The following ZEB1 variants were observed in gnomAD, a reference collection of about 807,000 sequenced individuals.
The protein encoded by ZEB1 is zinc finger E-box binding homeobox 1, also known as zinc finger E-box-binding homeobox 1.
Under a neutral mutation model 84.9 loss-of-function variants are expected in ZEB1, and 21 were observed. The ratio of observed to expected loss-of-function variants is 0.25; its 90% CI spans 0.18 to 0.36. The LOEUF (loss-of-function observed/expected upper bound fraction) is 0.36. ZEB1 is among the 10% of genes least tolerant of loss of function. ZEB1 has a pLI of 1.00. For missense variants in ZEB1, 1,104 were observed against 1,330.2 expected, an observed-to-expected ratio of 0.83 and a Z score of 2.65; for synonymous variants, 420 against 471.1, an observed-to-expected ratio of 0.89 and a Z score of 1.41.
chr10:31,395,061 C>T (rs903845990), intron 1 of ZEB1, among the ~76,000 whole-genome samples: 1 of 152,236 alleles, frequency 6.6e-6, no homozygotes. Context: ...TTTAGTGATA[C>T]AGGGGATTAA....
At chr10:31,430,378 T>C (rs2057571277) in intron 1 of ZEB1, among the ~76,000 whole-genome samples, 1 of 152,148 alleles carries the variant, frequency 6.6e-6, no homozygotes, top group Non-Finnish European at 1.5e-5. Flanking sequence ...TAGTTATTAT[T>C]CTCCCATTAT....
intron 5 of ZEB1, among the ~76,000 whole-genome samples, 170 bp downstream of exon 5, chr10:31,511,045 T>C (rs2069891528): frequency 6.6e-6 from 1 of 152,246 alleles, no homozygotes; most frequent in Non-Finnish European, 1.5e-5. Context: ...ATCTGGTCAT[T>C]CCTGAGATTA....
chr10:31,387,161 AGGTCCCT>A, intron 1 of ZEB1: 1 of 985,836 alleles, frequency 1.0e-6, no homozygotes, highest in Non-Finnish European at 1.2e-6. Context: ...GAATATAAAG[AGGTCCCT>A]CCTGCACCAA....
chr10:31,371,680 T>C (rs1393848874), intron 1 of ZEB1, among the ~76,000 whole-genome samples: 2 of 152,192 alleles, frequency 1.3e-5, no homozygotes, highest in Non-Finnish European at 2.9e-5. Context: ...GGTTATAAGC[T>C]CCTTTCCTTT....
At chr10:31,487,732 T>C (rs2065928157) in intron 2 of ZEB1, among the ~76,000 whole-genome samples, 1 of 151,528 alleles carries the variant, frequency 6.6e-6, no homozygotes, top group African/African-American at 2.4e-5. Context: ...GTCTTTCTCC[T>C]TTAAGTGTAA....
intron 1 of ZEB1, among the ~76,000 whole-genome samples, chr10:31,326,536 T>C (rs1437337485): frequency 6.6e-6 from 1 of 152,166 alleles, no homozygotes; most frequent in African/African-American, 2.4e-5. Context: ...TTTGGGAGAA[T>C]CATCCAAAGC....
At chr10:31,387,065 A>G (rs1564676987) in intron 1 of ZEB1, 1 of 981,248 alleles carries the variant, frequency 1.0e-6, no homozygotes, top group Non-Finnish European at 1.2e-6. Context: ...TATAGAAGAT[A>G]AGCTTGATCA....
intron 1 of ZEB1, among the ~76,000 whole-genome samples, chr10:31,332,754 A>G (rs998691246): frequency 3.3e-5 from 5 of 152,036 alleles, no homozygotes; most frequent in Admixed American, 3.3e-4. Flanking sequence ...TCATGTTTCA[A>G]CCTCTTAAGT....
intron 1 of ZEB1, among the ~76,000 whole-genome samples, chr10:31,445,345 A>G (rs1453457800): frequency 1.2e-4 from 18 of 149,670 alleles, no homozygotes; most frequent in Admixed American, 9.9e-4. Context: ...TAGATATACA[A>G]TCATGTTGTC....
chr10:31,352,011 A>T (rs1022912492), intron 1 of ZEB1, among the ~76,000 whole-genome samples: 2 of 152,200 alleles, frequency 1.3e-5, no homozygotes, highest in Admixed American at 1.3e-4. Flanking sequence ...TATATAGCCC[A>T]TAATCATAAT....
At chr10:31,435,829 T>A (rs933520635) in intron 1 of ZEB1, among the ~76,000 whole-genome samples, 2 of 152,170 alleles carry the variant, frequency 1.3e-5, no homozygotes, top group African/African-American at 4.8e-5. Context: ...TTTTGAAAGA[T>A]CACCCCGGCT....
At chr10:31,406,402 T>C (rs2053038422) in intron 1 of ZEB1, among the ~76,000 whole-genome samples, 1 of 152,164 alleles carries the variant, frequency 6.6e-6, no homozygotes, top group Non-Finnish European at 1.5e-5. Context: ...AGCATGATGA[T>C]ATCTCATTGT....
intron 1 of ZEB1, among the ~76,000 whole-genome samples, chr10:31,441,897 G>A (rs2059044613): frequency 6.6e-6 from 1 of 152,190 alleles, no homozygotes; most frequent in Non-Finnish European, 1.5e-5. Context: ...TCATTAAAAA[G>A]TCAGGAAACA....
chr10:31,354,409 CT>C (rs1361389776), intron 1 of ZEB1, among the ~76,000 whole-genome samples: 2 of 152,110 alleles, frequency 1.3e-5, no homozygotes, highest in Non-Finnish European at 2.9e-5. Context: ...AAGGCACATT[CT>C]TTGATTTCAT....
At chr10:31,448,471 TGGA>T (rs1266002391) in intron 1 of ZEB1, among the ~76,000 whole-genome samples, 5 of 148,512 alleles carry the variant, frequency 3.4e-5, no homozygotes, top group Middle Eastern at 3.4e-3. Flanking sequence ...TGCGTTCCTT[TGGA>T]GGAGGAGAGG....
chr10:31,503,956 T>TTA (rs1265550456), intron 4 of ZEB1, among the ~76,000 whole-genome samples: 1 of 152,102 alleles, frequency 6.6e-6, no homozygotes, highest in African/African-American at 2.4e-5. Flanking sequence ...ATTCTTCATA[T>TTA]TAGTCCCTTG....
chr10:31,517,100 A>G (rs561523193), intron 6 of ZEB1, among the ~76,000 whole-genome samples: 1 of 152,234 alleles, frequency 6.6e-6, no homozygotes, highest in Admixed American at 6.5e-5. Flanking sequence ...CACCACAAAT[A>G]GTTTGAAAAG....
At chr10:31,436,428 A>G (rs1042783408) in intron 1 of ZEB1, among the ~76,000 whole-genome samples, 1 of 151,738 alleles carries the variant, frequency 6.6e-6, no homozygotes, top group Non-Finnish European at 1.5e-5. Flanking sequence ...TTTTTCATTT[A>G]TGGGCTCTAC....
chr10:31,422,697 G>A (rs1309496173), intron 1 of ZEB1, among the ~76,000 whole-genome samples: 1 of 151,930 alleles, frequency 6.6e-6, no homozygotes, highest in African/African-American at 2.4e-5. Flanking sequence ...TAGAGTTGGG[G>A]GTACATGTGT....
Sources: allele counts gnomAD v4.1 joint callset (sites outside exome capture counted in the v4.1 genomes callset), GRCh38; gene constraint gnomAD v4.1.1; transcripts MANE v1.5; gene names NCBI Gene and HGNC (gene_info 2026-07-23, HGNC 2026-07-21).